ANO1: variants seen among roughly 807,000 people sequenced by gnomAD.
ANO1 encodes the protein anoctamin-1.
In ANO1, 59 loss-of-function variants were observed where a neutral mutation model predicts 124.0. The ratio of observed to expected loss-of-function variants is 0.48; its 90% CI spans 0.39 to 0.59. ANO1 has a LOEUF of 0.59. Ranked by LOEUF, ANO1 falls within the 20% of genes least tolerant of loss-of-function variation. The pLI is 0.00. For synonymous variants in ANO1, 529 were observed against 532.0 expected, an observed-to-expected ratio of 0.99 and a Z score of 0.08; for missense variants, 1,059 against 1,328.0, an observed-to-expected ratio of 0.80 and a Z score of 3.15.
chr11:70,161,187 C>T lies in ANO1; in HGVS notation c.1605C>T (p.Leu535=), dbSNP rs1469632439. The stretch of plus-strand genomic sequence containing the variant: ...TTGCAGTGACGTTTGCCATCGTCCT[C>T]GGCGTCATCATCTACAGAATCTCCA... ...FMIAVTFAIV[L]GVIIYRISMA... The change falls in exon 17 of 26, where the codon CTC becomes CTT. Residue 535 remains leucine (L), a synonymous_variant. Transcript: ENST00000355303. 6.2e-6 allele frequency: 10 copies of T among 1,613,752 alleles called. 1 individual carries two copies. Among genetic ancestry groups the T allele is most frequent in the South Asian group, 2.2e-5 (2 of 91,078 alleles).
chr11:70,165,303 C>G, intron 19 of ANO1, 167 bp from the exon 20 acceptor site: 2 of 630,660 alleles, frequency 3.2e-6, no homozygotes, highest in Non-Finnish European at 2.8e-6. Context: ...TTGCAAAGAC[C>G]CTTTTTGCAA....
intron 22 of ANO1, among the ~76,000 whole-genome samples, chr11:70,174,649 C>T (rs567607198): frequency 4.1e-4 from 62 of 152,254 alleles, no homozygotes; most frequent in Middle Eastern, 6.8e-3. Context: ...GTGAATCCTC[C>T]CTCAGTCCCA....
At chr11:70,131,792 T>C in intron 10 of ANO1, 127 bp from the exon 11 acceptor site, 1 of 1,130,300 alleles carries the variant, frequency 8.8e-7, no homozygotes, top group Non-Finnish European at 1.2e-6. Flanking sequence ...CACTATGGCA[T>C]GGACCTGAGG....
At chr11:70,047,563 A>G (rs755076392) in intron 1 of ANO1, among the ~76,000 whole-genome samples, 6 of 152,234 alleles carry the variant, frequency 3.9e-5, no homozygotes, top group Non-Finnish European at 7.3e-5. Flanking sequence ...GATCAAGAAT[A>G]ACTTCTGATT....
chr11:70,152,360 T>TGG, intron 12 of ANO1, 90 bp from the exon 13 acceptor site: 1 of 1,038,118 alleles, frequency 9.6e-7, no homozygotes, highest in Non-Finnish European at 1.4e-6. Context: ...AAAAAAAAGT[T>TGG]GTCCTTAGTG....
chr11:70,059,121 G>A (rs1229831445), intron 1 of ANO1, among the ~76,000 whole-genome samples: 1 of 151,986 alleles, frequency 6.6e-6, no homozygotes, highest in East Asian at 1.9e-4. Context: ...GAACCAGGGA[G>A]GCAGAGCTTG....
Position 70,155,907 on chromosome 11 carries a change from TCAGAAGCGCCGG to T in ANO1, c.1426-1_1436del. 2 of 1,494,514 alleles carry T rather than the reference TCAGAAGCGCCGG, an allele frequency of 1.3e-6. No individual in the cohort carries two copies. Among genetic ancestry groups the T allele is most frequent in the Non-Finnish European group, 1.8e-6 (2 of 1,106,742 alleles). 92.6% of individuals were successfully genotyped at this position (1,494,514 alleles called of 1,614,324 possible). ...GGTGCTCTCTTTCCCCCACCCCCCCTCAGAAGCGCCGGCATATTCCAGAGGAGTCAACAAACA... is the reference window on the plus strand; with the variant it reads ...GGTGCTCTCTTTCCCCCACCCCCCCTCATATTCCAGAGGAGTCAACAAACA... On this transcript the variant is annotated splice_acceptor_variant and splice_polypyrimidine_tract_variant and coding_sequence_variant and intron_variant, in exon 15 of 26. Transcript: ENST00000355303. LOFTEE classifies it high-confidence loss of function.
chr11:70,174,366 AG>A lies in ANO1; in HGVS notation c.2350+3328del, dbSNP rs1441416199. Among the ~76,000 whole-genome samples the A allele has an allele frequency of 2.6e-5, 4 of 151,982 alleles. No individual in the cohort carries two copies. The East Asian group carries it at 8.0e-4, about 30-fold the overall frequency. On this transcript the variant is annotated intron_variant, in intron 22 of 25. Transcript: ENST00000355303. ...AGCCGAGATCGCACCACTGCACTCC[AG>A]CCTGGGCAACACAGCGAGACTCCAC...
intron 1 of ANO1, among the ~76,000 whole-genome samples, chr11:70,033,126 G>C (rs1466022170): frequency 2.6e-5 from 4 of 152,194 alleles, no homozygotes; most frequent in African/African-American, 9.6e-5. Flanking sequence ...CGGTGATGTA[G>C]ATCCAGGGGT....
chr11:70,112,808 C>T (rs1433593196), intron 7 of ANO1, among the ~76,000 whole-genome samples: 1 of 152,198 alleles, frequency 6.6e-6, no homozygotes, highest in Non-Finnish European at 1.5e-5. Flanking sequence ...ATCCACCCAC[C>T]TCAGCCTCCC....
chr11:70,150,685 C>T (rs1037164782), intron 12 of ANO1, among the ~76,000 whole-genome samples: 3 of 152,112 alleles, frequency 2.0e-5, no homozygotes, highest in Non-Finnish European at 2.9e-5. Flanking sequence ...CAGACACACA[C>T]AACCATGCCT....
chr11:70,188,184 T>G lies in ANO1; in HGVS notation c.*180T>G. ...TCTTTCTGTTTTCTTTCCCTTGTTT[T>G]TGCACAAAGCCATTATGCAGGGAAT... is the stretch of plus-strand genomic sequence containing the variant. On this transcript the variant is annotated 3_prime_UTR_variant, in exon 26 of 26. Coordinates refer to ENST00000355303, the MANE Select transcript of ANO1 (RefSeq NM_018043.7). 1 of 757,588 alleles carries G rather than the reference T, an allele frequency of 1.3e-6. No individual in the cohort carries two copies. Among genetic ancestry groups the G allele is most frequent in the Non-Finnish European group, 2.1e-6 (1 of 482,214 alleles). 46.9% of individuals were successfully genotyped at this position (757,588 alleles called of 1,614,324 possible).
At chr11:70,095,408 AAG>A (rs1491463730) in intron 2 of ANO1, among the ~76,000 whole-genome samples, 8 of 41,678 alleles carry the variant, frequency 1.9e-4, no homozygotes, top group African/African-American at 4.2e-4. Context: ...GAAAGAAAGA[AAG>A]AAAGAAAGAA....
chr11:69,985,545 C>G (rs61885141), upstream of ANO1, among the ~76,000 whole-genome samples: 12,828 of 152,214 alleles, frequency 0.084, 701 homozygotes, highest in East Asian at 0.14. Context: ...GGAACCGCCC[C>G]GCGCCCAGGG....
chr11:70,004,864 A>C lies in ANO1; in HGVS notation c.58+18698A>C, dbSNP rs531523995. On this transcript the variant is annotated intron_variant, in intron 1 of 27. Coordinates refer to the ANO1 transcript ENST00000531349. The stretch of plus-strand genomic sequence containing the variant: ...GCTGTGGCTCACACCTGTAATCCCA[A>C]CACTTTGGGAGTCCCAGGTGGGTGG... 6.6e-5 allele frequency among the ~76,000 whole-genome samples: 10 copies of C among 152,196 alleles called. No individual in the cohort carries two copies. The East Asian group carries it at 1.9e-3, about 29-fold the overall frequency.
the ANO1 span, among the ~76,000 whole-genome samples, chr11:69,967,786 G>A: frequency 2.0e-5 from 3 of 152,324 alleles, no homozygotes; most frequent in East Asian, 5.8e-4. Flanking sequence ...AGAGTCTTCT[G>A]TGCAGAGAAA....
intron 1 of ANO1, among the ~76,000 whole-genome samples, chr11:70,036,933 T>C (rs1240129244): frequency 6.6e-6 from 1 of 152,234 alleles, no homozygotes; most frequent in African/African-American, 2.4e-5. Context: ...CATGCCTGCC[T>C]TTCTCTCCCG....
At position 70,043,479 on chromosome 11, in the gene ANO1, G is replaced by T. The variant is rs191796374; in HGVS notation, c.59-35063G>T. Reference sequence around the variant, plus strand: ...AAGTATAAGCCCACAAATCTAAAAAGCTTAATACATTTCAATCAGAAGAAA... The same window carrying T: ...AAGTATAAGCCCACAAATCTAAAAATCTTAATACATTTCAATCAGAAGAAA... On this transcript the variant is annotated intron_variant, in intron 1 of 27. Coordinates refer to the ANO1 transcript ENST00000531349. Among the ~76,000 whole-genome samples, 13 of 152,180 alleles carry T rather than the reference G, an allele frequency of 8.5e-5. No individual in the cohort carries two copies. The East Asian group carries it at 2.1e-3, about 25-fold the overall frequency.
intron 11 of ANO1, among the ~76,000 whole-genome samples, chr11:70,145,156 A>G (rs997168378): frequency 6.6e-6 from 1 of 152,020 alleles, no homozygotes; most frequent in Admixed American, 6.5e-5. Flanking sequence ...GCCTTCGCTC[A>G]CTCCACTAGA....
Sources: allele counts gnomAD v4.1 joint callset (sites outside exome capture counted in the v4.1 genomes callset), GRCh38; gene constraint gnomAD v4.1.1; transcripts MANE v1.5; gene names NCBI Gene and HGNC (gene_info 2026-07-23, HGNC 2026-07-21).